FOCAD: variants seen among roughly 807,000 people sequenced by gnomAD.
FOCAD encodes KIAA1797.
FOCAD carries 198 observed loss-of-function variants against 225.6 expected under a neutral mutation model. The observed-to-expected ratio is 0.88, with a 90% confidence interval of 0.78 to 0.99. The LOEUF (loss-of-function observed/expected upper bound fraction) is 0.99. Ranked by LOEUF, FOCAD falls within the 50% of genes least tolerant of loss-of-function variation. FOCAD has a pLI of 0.00. For synonymous variants in FOCAD, 897 were observed against 755.0 expected, an observed-to-expected ratio of 1.19 and a Z score of -3.08; for missense variants, 2,713 against 2,123.6, an observed-to-expected ratio of 1.28 and a Z score of -5.46.
intron 35 of FOCAD, among the ~76,000 whole-genome samples, chr9:20,961,930 G>C (rs561442488): frequency 6.6e-6 from 1 of 152,236 alleles, no homozygotes; most frequent in East Asian, 1.9e-4. Flanking sequence ...TCAACCTTTA[G>C]TGTCTGTCTG....
intron 2 of FOCAD, among the ~76,000 whole-genome samples, chr9:20,678,559 C>G (rs1822304009): frequency 6.6e-6 from 1 of 152,194 alleles, no homozygotes; most frequent in Non-Finnish European, 1.5e-5. Context: ...GTAAGTGTGT[C>G]AGATATTCTC....
chr9:20,675,244 G>A (rs1368533276), intron 2 of FOCAD, among the ~76,000 whole-genome samples: 1 of 152,046 alleles, frequency 6.6e-6, no homozygotes, highest in Non-Finnish European at 1.5e-5. Flanking sequence ...ATAGTCTGTG[G>A]GTCAAAACTG....
intron 21 of FOCAD, among the ~76,000 whole-genome samples, chr9:20,901,181 A>C (rs1027489833): frequency 2.2e-5 from 3 of 138,066 alleles, no homozygotes; most frequent in Non-Finnish European, 4.6e-5. Flanking sequence ...TTTTCTGGGA[A>C]TGTGGAAACA....
At chr9:20,891,221 A>T (rs138266017) in intron 21 of FOCAD, among the ~76,000 whole-genome samples, 11 of 152,088 alleles carry the variant, frequency 7.2e-5, no homozygotes, top group Non-Finnish European at 1.3e-4. Flanking sequence ...TGTCCCCCCA[A>T]TTGGGCCTCC....
At chr9:20,667,505 A>G (rs1006600699) in intron 2 of FOCAD, among the ~76,000 whole-genome samples, 3 of 152,234 alleles carry the variant, frequency 2.0e-5, no homozygotes, top group Non-Finnish European at 4.4e-5. Context: ...TTTTAACCTC[A>G]TCCAAAATTA....
chr9:20,871,835 C>A (rs1005980785), intron 18 of FOCAD, among the ~76,000 whole-genome samples: 1 of 148,198 alleles, frequency 6.7e-6, no homozygotes, highest in African/African-American at 2.5e-5. Flanking sequence ...GTGCAGCACA[C>A]CAGCATGGCA....
chr9:20,935,979 A>G (rs940128497), intron 28 of FOCAD, among the ~76,000 whole-genome samples: 2 of 152,266 alleles, frequency 1.3e-5, no homozygotes, highest in African/African-American at 4.8e-5. Flanking sequence ...AATCAAAAAA[A>G]GAATTAAACA....
At chr9:20,958,516 A>T (rs2132438217) in intron 35 of FOCAD, among the ~76,000 whole-genome samples, 1 of 152,290 alleles carries the variant, frequency 6.6e-6, no homozygotes, top group South Asian at 2.1e-4. Flanking sequence ...CTCATCTCAA[A>T]CATTTATCAT....
intron 23 of FOCAD, among the ~76,000 whole-genome samples, chr9:20,913,679 A>G (rs886679665): frequency 3.3e-5 from 5 of 152,194 alleles, no homozygotes; most frequent in African/African-American, 4.8e-5. Flanking sequence ...AACTGTGTGT[A>G]TGTATTTGAT....
intron 17 of FOCAD, among the ~76,000 whole-genome samples, chr9:20,866,379 C>G (rs975914162): frequency 6.6e-6 from 1 of 151,896 alleles, no homozygotes; most frequent in Admixed American, 6.6e-5. Flanking sequence ...GATGTTATAC[C>G]TAACTCATGG....
intron 4 of FOCAD, chr9:20,726,277 T>C (rs1315538738): frequency 1.3e-5 from 2 of 152,174 alleles, no homozygotes; most frequent in African/African-American, 4.8e-5. Context: ...TCTAGAAGGC[T>C]CATGCAACCA....
At chr9:20,878,386 A>G (rs190677774) in intron 19 of FOCAD, among the ~76,000 whole-genome samples, 1 of 152,266 alleles carries the variant, frequency 6.6e-6, no homozygotes, top group East Asian at 1.9e-4. Flanking sequence ...AAATTTGGTG[A>G]GTATATATTC....
chr9:20,964,435 A>G (rs1191065894), intron 35 of FOCAD, among the ~76,000 whole-genome samples: 2 of 152,132 alleles, frequency 1.3e-5, no homozygotes, highest in Non-Finnish European at 2.9e-5. Context: ...TTAACTCTCT[A>G]AAAATATTTC....
intron 1 of FOCAD, among the ~76,000 whole-genome samples, chr9:20,691,550 C>T (rs756225087): frequency 1.3e-5 from 2 of 151,950 alleles, no homozygotes; most frequent in Non-Finnish European, 2.9e-5. Context: ...GGCGTCATCT[C>T]GGCTCACTGC....
intron 28 of FOCAD, 37 bp downstream of exon 28, chr9:20,933,140 G>C (rs1835646068): frequency 7.0e-7 from 1 of 1,427,556 alleles, no homozygotes; most frequent in Admixed American, 1.7e-5. Context: ...CAGGTACTTA[G>C]ACATTGCTCC....
At chr9:20,769,103 G>A (rs758725295) in intron 7 of FOCAD, among the ~76,000 whole-genome samples, 1 of 152,080 alleles carries the variant, frequency 6.6e-6, no homozygotes, top group Non-Finnish European at 1.5e-5. Context: ...GTGTTTGCAA[G>A]AGAGCAAAAT....
intron 26 of FOCAD, chr9:20,927,766 A>C (rs1220613876): frequency 6.6e-6 from 1 of 152,100 alleles, no homozygotes; most frequent in East Asian, 1.9e-4. Context: ...ATTATAGTTA[A>C]TTTTAATAAA....
chr9:20,837,248 C>T (rs1461265376), intron 15 of FOCAD, among the ~76,000 whole-genome samples: 1 of 152,026 alleles, frequency 6.6e-6, no homozygotes, highest in East Asian at 1.9e-4. Flanking sequence ...TATTAGCTGA[C>T]ATGAGTAGTC....
In FOCAD at chr9:20,789,518, G is replaced by C; in HGVS notation, c.1365G>C (p.Leu455=). ...TGATCCCTGCGCCTGCCTTTCTTCTGCTGGCTCACCTCCTTGTTGAAGACA... is the reference window on the plus strand; with the variant it reads ...TGATCCCTGCGCCTGCCTTTCTTCTCCTGGCTCACCTCCTTGTTGAAGACA... The part of the protein sequence containing the change: ...TAVIPAPAFL[L]LAHLLVEDKG... The change falls in exon 11 of 44, where the codon CTG becomes CTC. Residue 455 remains leucine (L), a synonymous_variant. Transcript: ENST00000338382. 1 of 1,613,936 alleles carries C rather than the reference G, an allele frequency of 6.2e-7. No individual in the cohort carries two copies. Among genetic ancestry groups the C allele is most frequent in the Non-Finnish European group, 8.5e-7 (1 of 1,179,988 alleles).
Sources: allele counts gnomAD v4.1 joint callset (sites outside exome capture counted in the v4.1 genomes callset), GRCh38; gene constraint gnomAD v4.1.1; transcripts MANE v1.5; gene names NCBI Gene and HGNC (gene_info 2026-07-23, HGNC 2026-07-21).